The following PLEKHG4B variants were observed in gnomAD, a reference collection of about 807,000 sequenced individuals.
PLEKHG4B encodes pleckstrin homology domain-containing family G member 4B.
In PLEKHG4B, 111 loss-of-function variants were observed where a neutral mutation model predicts 121.3. The ratio of observed to expected loss-of-function variants is 0.92; its 90% CI spans 0.78 to 1.07. PLEKHG4B has a LOEUF of 1.07. Among genes scored for constraint, PLEKHG4B ranks in the 50% least tolerant of loss-of-function variants. The probability of loss-of-function intolerance (pLI) is 0.00; values close to 1 mark genes in which losing one functional copy is unlikely to be tolerated. For synonymous variants in PLEKHG4B, 738 were observed against 725.0 expected, an observed-to-expected ratio of 1.02 and a Z score of -0.29; for missense variants, 1,831 against 1,757.8, an observed-to-expected ratio of 1.04 and a Z score of -0.74.
At position 161,811 on chromosome 5, in the gene PLEKHG4B, C is replaced by A. The variant is rs572871479; in HGVS notation, c.2516C>A (p.Ala839Glu). The A allele has an allele frequency of 3.1e-6, 5 of 1,613,756 alleles. No homozygotes were observed. In the South Asian group the frequency reaches 5.5e-5, roughly 18 times the overall value. ...TCCTGCCAGAAAGGACTACAGCTGG[C>A]GAAGGAGAACCCGCAACGTACAGAG... is the stretch of plus-strand genomic sequence containing the variant. ...QQSCQKGLQL[A>E]KENPQRTEEM... The change falls in exon 12 of 20, where the codon GCG (alanine) becomes GAG (glutamate). Residue 839 changes from alanine to glutamate, a missense_variant. Ala to Glu is a moderately radical substitution (Grantham distance 107). Coordinates refer to ENST00000637938, the MANE Select transcript of PLEKHG4B (RefSeq NM_052909.5).
intron 16 of PLEKHG4B, 58 bp downstream of exon 16, chr5:171,502 G>A: frequency 1.4e-6 from 2 of 1,457,592 alleles, no homozygotes; most frequent in Non-Finnish European, 1.8e-6. Context: ...GGCTGCTGGT[G>A]AGAAAGTCTT....
In PLEKHG4B at chr5:183,991, C is replaced by CGATCGATAGATAGATAGATAGATA. The variant is rs1292159443; in HGVS notation, c.*1671_*1672insCGATAGATAGATAGATAGATAGAT. 4.3e-4 allele frequency: 45 copies of CGATCGATAGATAGATAGATAGATA among 104,708 alleles called. No individual in the cohort carries two copies. The highest frequency in any genetic ancestry group is 1.2e-3 in the African/African-American group (42 of 34,228). 6.5% of individuals were successfully genotyped at this position (104,708 alleles called of 1,614,324 possible). On this transcript the variant is annotated 3_prime_UTR_variant, in exon 20 of 20. Coordinates refer to ENST00000637938, the MANE Select transcript of PLEKHG4B (RefSeq NM_052909.5). ...CAGACAGATAGATAGATAGATAGAT[C>CGATCGATAGATAGATAGATAGATA]GATAGATAGATAGATAGATAGATAG...
chr5:162,932 C>T lies in PLEKHG4B; in HGVS notation c.2860C>T (p.Leu954=). ...GCAGTACCCCCAGACCCGGCTCCGT[C>T]TGGAAGAGGCCCTTTCTGAGGCTGC... is the stretch of plus-strand genomic sequence containing the variant. The part of the protein sequence containing the change: ...WLQYPQTRLR[L]EEALSEAAPD... Residue 954 remains leucine, a synonymous_variant, in exon 13 of 20, where the codon CTG becomes TTG. Coordinates refer to ENST00000637938, the MANE Select transcript of PLEKHG4B (RefSeq NM_052909.5). The T allele has an allele frequency of 6.4e-7, 1 of 1,552,450 alleles. No homozygotes were observed. Among genetic ancestry groups the T allele is most frequent in the South Asian group, 1.2e-5 (1 of 82,388 alleles).
Position 172,978 on chromosome 5 carries a change from G to C in PLEKHG4B, c.4132G>C (p.Val1378Leu), listed in dbSNP as rs1736617789. Residue 1378 changes from valine (V) to leucine (L), a missense_variant, in exon 17 of 20, where the codon GTG becomes CTG. Val to Leu is a conservative substitution (Grantham distance 32, BLOSUM62 1). Coordinates refer to ENST00000637938, the MANE Select transcript of PLEKHG4B (RefSeq NM_052909.5). ...CGGGAGGAAGAAGTATCTGAGGCAT[G>C]TGTTCCTCTTTGAAGACCTCATCCT... Reference protein sequence around the residue: ...CCGRKKYLRHVFLFEDLILFS... With the variant: ...CCGRKKYLRHLFLFEDLILFS... 1 of 1,614,192 alleles carries C rather than the reference G, an allele frequency of 6.2e-7. No homozygotes were observed. Among genetic ancestry groups the C allele is most frequent in the Admixed American group, 1.7e-5 (1 of 60,026 alleles).
Position 113,969 on chromosome 5 carries a change from A to C in PLEKHG4B, c.243+521A>C, listed in dbSNP as rs1328180890. 6.6e-6 allele frequency among the ~76,000 whole-genome samples: 1 copy of C among 152,252 alleles called. No homozygotes were observed. Among genetic ancestry groups the C allele is most frequent in the Non-Finnish European group, 1.5e-5 (1 of 68,048 alleles). ...GTAAGGCAGATACCACGCTAATGCC[A>C]GACACACAAAGTTTTTGGTTTCCCA... On this transcript the variant is annotated intron_variant, in intron 2 of 19. Transcript: ENST00000637938. This position sits in a 1 kb window ranked among gnomAD's most constrained non-coding sequence, Gnocchi z 5.2.
intron 2 of PLEKHG4B, among the ~76,000 whole-genome samples, chr5:127,366 T>TATTATG: frequency 6.8e-6 from 1 of 147,404 alleles, no homozygotes; most frequent in Middle Eastern, 3.6e-3. Context: ...TTATTATTAT[T>TATTATG]ATTATTATTA....
Position 189,362 on chromosome 5 carries a change from G to A in PLEKHG4B, c.*7039G>A, listed in dbSNP as rs1037884968. On this transcript the variant is annotated 3_prime_UTR_variant, in exon 20 of 20. Transcript: ENST00000637938. ...TCAGAGCCGTGGTGAGCCATCCTAGGACCAGTGTACCTCACAACCTTTCAG... is the reference window on the plus strand; with the variant it reads ...TCAGAGCCGTGGTGAGCCATCCTAGAACCAGTGTACCTCACAACCTTTCAG... 2.0e-5 allele frequency: 3 copies of A among 152,358 alleles called. No individual in the cohort carries two copies. The highest frequency in any genetic ancestry group is 4.8e-5 in the African/African-American group (2 of 41,446). The allele number at this position is 152,358 out of a possible 1,614,324, so 9.4% of individuals were successfully genotyped here.
chr5:164,003 G>C (rs563489494), intron 13 of PLEKHG4B, among the ~76,000 whole-genome samples: 2 of 152,256 alleles, frequency 1.3e-5, no homozygotes, highest in Non-Finnish European at 2.9e-5. Context: ...TGCAAAGGAC[G>C]CGTCCACTCA....
At position 157,010 on chromosome 5, in the gene PLEKHG4B, G is replaced by A. The variant is rs755212417; in HGVS notation, c.2487+99G>A. 64 of 1,450,376 alleles carry A rather than the reference G, an allele frequency of 4.4e-5. No homozygotes were observed. The highest frequency in any genetic ancestry group is 1.7e-4 in the Middle Eastern group (1 of 5,814). The allele number at this position is 1,450,376 out of a possible 1,614,324, so 89.8% of individuals were successfully genotyped here. A position where few individuals can be genotyped will look rare whatever the true frequency, so the allele number is the denominator to read the frequency against. ...CTTCACACTGTGTCTTTAGGGCCTT[G>A]ATCTGATTTCCATTTGGAATGAAAT... is the stretch of plus-strand genomic sequence containing the variant. On this transcript the variant is annotated intron_variant, in intron 11 of 19. Transcript: ENST00000637938. This position sits in a 1 kb window ranked among gnomAD's most constrained non-coding sequence, Gnocchi z 4.6.
At chr5:163,670 G>A (rs1736133370) in intron 13 of PLEKHG4B, 122 bp downstream of exon 13, 1 of 823,134 alleles carries the variant, frequency 1.2e-6, no homozygotes, top group African/African-American at 1.7e-5. Context: ...ATCCCTCTGG[G>A]TCCACCTGTC....
chr5:164,486 C>A (rs1306748205), intron 13 of PLEKHG4B, among the ~76,000 whole-genome samples: 1 of 129,290 alleles, frequency 7.7e-6, no homozygotes, highest in Non-Finnish European at 1.6e-5. Context: ...GCAGAGCTCA[C>A]ACTAATGCTC....
chr5:171,401 A>G lies in PLEKHG4B; in HGVS notation c.4007A>G (p.His1336Arg). ...AEVVVCFQLRHGNDLLAMDAI... is the reference protein window; with the variant it reads ...AEVVVCFQLRRGNDLLAMDAI... ...GTCGTGGTCTGCTTCCAGCTGCGTC[A>G]CGGCAATGACCTGCTGGCCATGGAC... Residue 1336 changes from histidine (H) to arginine (R), a missense_variant, in exon 16 of 20, where the codon CAC (histidine) becomes CGC (arginine). Transcript: ENST00000637938. The G allele has an allele frequency of 1.9e-6, 3 of 1,607,772 alleles. No homozygotes were observed. Among genetic ancestry groups the G allele is most frequent in the Non-Finnish European group, 2.5e-6 (3 of 1,179,166 alleles).
chr5:159,343 C>T lies in PLEKHG4B; in HGVS notation c.2487+2432C>T, dbSNP rs1735916452. On this transcript the variant is annotated intron_variant, in intron 11 of 19. Coordinates refer to ENST00000637938, the MANE Select transcript of PLEKHG4B (RefSeq NM_052909.5). This position sits in a 1 kb window ranked among gnomAD's most constrained non-coding sequence, Gnocchi z 5.5. ...TGTGCTCTTTGTGTCTGCACTGCGC[C>T]CCTCTGTTCTGGGAATTCTGTGACA... Among the ~76,000 whole-genome samples, 1 of 152,130 alleles carries T rather than the reference C, an allele frequency of 6.6e-6. No individual in the cohort carries two copies. The highest frequency in any genetic ancestry group is 1.5e-5 in the Non-Finnish European group (1 of 68,026).
chr5:178,800 C>G (rs1053751110), intron 18 of PLEKHG4B, among the ~76,000 whole-genome samples: 3 of 152,280 alleles, frequency 2.0e-5, no homozygotes, highest in African/African-American at 7.2e-5. Flanking sequence ...AGGACTCCCC[C>G]ACGGATACCC....
chr5:142,208 C>T lies in PLEKHG4B; in HGVS notation c.1478-839C>T, dbSNP rs527641179. Among the ~76,000 whole-genome samples, 6 of 152,304 alleles carry T rather than the reference C, an allele frequency of 3.9e-5. No homozygotes were observed. The South Asian group carries it at 6.2e-4, about 16-fold the overall frequency. ...GTGAAAAGAAGTCCTAACCCCTCCC[C>T]GTGGTTTCCAGCCCCTCACCTTTCC... On this transcript the variant is annotated intron_variant, in intron 3 of 19. Transcript: ENST00000637938.
At chr5:170,367 A>C (rs1736502523) in intron 14 of PLEKHG4B, among the ~76,000 whole-genome samples, 1 of 152,108 alleles carries the variant, frequency 6.6e-6, no homozygotes. Flanking sequence ...CAGTGGCACA[A>C]TCACAGCTCA....
chr5:184,944 CTG>C lies in PLEKHG4B; in HGVS notation c.*2626_*2627del, dbSNP rs1733569805. ...GGTTTGTACTATACGCACAGGTAAA[CTG>C]TGTGACCACAGCAGCGTGATGGCTG... is the stretch of plus-strand genomic sequence containing the variant. On this transcript the variant is annotated 3_prime_UTR_variant, in exon 20 of 20. Transcript: ENST00000637938. 6.6e-6 allele frequency: 1 copy of C among 152,236 alleles called. No individual in the cohort carries two copies. The highest frequency in any genetic ancestry group is 1.5e-5 in the Non-Finnish European group (1 of 68,048). 9.4% of individuals were successfully genotyped at this position (152,236 alleles called of 1,614,324 possible).
In PLEKHG4B at chr5:172,912, C is replaced by T. The variant is rs774754608; in HGVS notation, c.4066C>T (p.Gln1356Ter). ...TCCTCTGCAGGTGAATTTGAAGGAA[C>T]AGGGGCAGCTGAGATGCCGGGATGA... ...IRGCDVNLKE[Q>*]GQLRCRDEFI... The change falls in exon 17 of 20, where the codon CAG becomes TAG. Residue 1356 changes from glutamine (Q) to a stop codon, truncating the protein, a stop_gained. Transcript: ENST00000637938. LOFTEE classifies it high-confidence loss of function. 1.9e-6 allele frequency: 3 copies of T among 1,614,182 alleles called. No homozygotes were observed. The highest frequency in any genetic ancestry group is 2.2e-5 in the South Asian group (2 of 91,080).
chr5:105,566 TAAAA>T, intron 1 of PLEKHG4B, among the ~76,000 whole-genome samples: 1 of 152,196 alleles, frequency 6.6e-6, no homozygotes, highest in Admixed American at 6.5e-5. Flanking sequence ...GTGTACTGTT[TAAAA>T]CAGGATCCCA....
Sources: allele counts gnomAD v4.1 joint callset (sites outside exome capture counted in the v4.1 genomes callset), GRCh38; gene constraint gnomAD v4.1.1; non-coding constraint Gnocchi (gnomAD v3.1); transcripts MANE v1.5; gene names NCBI Gene and HGNC (gene_info 2026-07-23, HGNC 2026-07-21).